MYO1H: variants seen among roughly 807,000 people sequenced by gnomAD.
MYO1H encodes the protein unconventional myosin-Ih.
Under a neutral mutation model 149.3 loss-of-function variants are expected in MYO1H, and 118 were observed. That is an observed-to-expected ratio of 0.79 (90% CI 0.68 to 0.92). The LOEUF is 0.92. MYO1H is among the 40% of genes least tolerant of loss of function. MYO1H has a pLI of 0.00. For synonymous variants in MYO1H, 447 were observed against 465.2 expected (o/e 0.96, Z 0.50); for missense variants, 1,212 against 1,280.7 (o/e 0.95, Z 0.82).
chr12:109,390,054 G>T (rs574920939), intron 2 of MYO1H, among the ~76,000 whole-genome samples: 1 of 152,280 alleles, frequency 6.6e-6, no homozygotes, highest in African/African-American at 2.4e-5. Flanking sequence ...TAAGCTAAAT[G>T]TTTCTGATTT....
chr12:109,362,989 A>G (rs1298035259), intron 1 of MYO1H, among the ~76,000 whole-genome samples: 1 of 152,198 alleles, frequency 6.6e-6, no homozygotes, highest in Non-Finnish European at 1.5e-5. Flanking sequence ...TCCCTCGTTC[A>G]TAGCACACAA....
At chr12:109,425,706 G>C (rs1592811499) in intron 17 of MYO1H, among the ~76,000 whole-genome samples, 1 of 152,322 alleles carries the variant, frequency 6.6e-6, no homozygotes, top group South Asian at 2.1e-4. Flanking sequence ...TGCTGAGCAA[G>C]TGAGGCATCC....
chr12:109,386,360 G>A (rs1869308707), intron 1 of MYO1H, among the ~76,000 whole-genome samples: 1 of 152,072 alleles, frequency 6.6e-6, no homozygotes, highest in Non-Finnish European at 1.5e-5. Context: ...CATTTCTCTT[G>A]TGTAAATACT....
chr12:109,380,477 T>A (rs934233160), intron 1 of MYO1H, among the ~76,000 whole-genome samples: 1 of 152,250 alleles, frequency 6.6e-6, no homozygotes, highest in African/African-American at 2.4e-5. Context: ...CAGTGAGGTT[T>A]ACCCTGAGGA....
exon 27 of MYO1H, chr12:109,442,263 G>T (rs1377714975): frequency 6.2e-7 from 1 of 1,613,802 alleles, no homozygotes; most frequent in Admixed American, 1.7e-5. Context: ...TTAGCCATGA[G>T]AAAATCCAGG....
intron 16 of MYO1H, among the ~76,000 whole-genome samples, chr12:109,423,181 CAG>C (rs1193698597): frequency 6.6e-6 from 1 of 152,054 alleles, no homozygotes; most frequent in African/African-American, 2.4e-5. Context: ...ATTTTTGAGA[CAG>C]AGTCTCACTC....
intron 4 of MYO1H, 86 bp downstream of exon 4, chr12:109,396,668 T>C (rs1287888669): frequency 1.7e-5 from 20 of 1,191,568 alleles, no homozygotes; most frequent in Non-Finnish European, 2.1e-5. Flanking sequence ...TCAGTCAAAA[T>C]GGGCAGGTCA....
chr12:109,437,109 A>C (rs1227001128), intron 22 of MYO1H, among the ~76,000 whole-genome samples: 1 of 152,122 alleles, frequency 6.6e-6, no homozygotes, highest in Non-Finnish European at 1.5e-5. Context: ...TGTCTCAAAA[A>C]AAATAAAAGA....
intron 6 of MYO1H, among the ~76,000 whole-genome samples, chr12:109,403,070 C>T (rs1385612221): frequency 6.6e-6 from 1 of 152,170 alleles, no homozygotes; most frequent in African/African-American, 2.4e-5. Context: ...GCAGTATATT[C>T]GCACTGCTTT....
intron 19 of MYO1H, among the ~76,000 whole-genome samples, chr12:109,432,310 T>G (rs544688645): frequency 8.4e-4 from 128 of 152,154 alleles, no homozygotes; most frequent in Non-Finnish European, 1.7e-3. Context: ...GGCCTTTTTT[T>G]AAGTAGAGAC....
chr12:109,393,393 G>T, exon 3 of MYO1H: 1 of 1,588,974 alleles, frequency 6.3e-7, no homozygotes, highest in Non-Finnish European at 8.6e-7. Context: ...TCTACACTGT[G>T]AGCCAGATGG....
chr12:109,434,590 G>A (rs1293971499), intron 20 of MYO1H, among the ~76,000 whole-genome samples: 1 of 152,204 alleles, frequency 6.6e-6, no homozygotes, highest in African/African-American at 2.4e-5. Context: ...GGTTACGTTG[G>A]TTTATTCATT....
chr12:109,333,211 A>G, the MYO1H span, among the ~76,000 whole-genome samples: 2 of 151,998 alleles, frequency 1.3e-5, no homozygotes, highest in African/African-American at 2.4e-5. Context: ...TCCCAGCTAC[A>G]TGGGAGGTTG....
At chr12:109,315,974 C>A in the MYO1H span, among the ~76,000 whole-genome samples, 10 of 152,078 alleles carry the variant, frequency 6.6e-5, no homozygotes, top group Non-Finnish European at 1.3e-4. Context: ...GTGTTTGGTG[C>A]TTTTGCTTTC....
At chr12:109,390,463 G>T (rs1053026532) in intron 2 of MYO1H, among the ~76,000 whole-genome samples, 1 of 151,748 alleles carries the variant, frequency 6.6e-6, no homozygotes, top group East Asian at 1.9e-4. Context: ...CTATATAAGA[G>T]CTTGGAGCTC....
the MYO1H span, among the ~76,000 whole-genome samples, chr12:109,311,894 C>A: frequency 1.3e-5 from 2 of 152,214 alleles, no homozygotes; most frequent in Admixed American, 6.5e-5. Flanking sequence ...GTGGCTTTGG[C>A]TTTCCTTTCC....
intron 15 of MYO1H, among the ~76,000 whole-genome samples, chr12:109,420,763 T>C (rs1348438578): frequency 6.6e-6 from 1 of 152,084 alleles, no homozygotes; most frequent in African/African-American, 2.4e-5. Context: ...CTAGTGTGAA[T>C]AGAGGCCAGA....
chr12:109,443,940 C>G (rs1464328975), intron 28 of MYO1H, among the ~76,000 whole-genome samples: 2 of 151,996 alleles, frequency 1.3e-5, no homozygotes, highest in African/African-American at 4.8e-5. Flanking sequence ...TGCCCTCCTC[C>G]CCTAGCGTTG....
At chr12:109,405,606 G>A (rs1279725000) in intron 7 of MYO1H, among the ~76,000 whole-genome samples, 7 of 152,250 alleles carry the variant, frequency 4.6e-5, no homozygotes, top group Middle Eastern at 3.4e-3. Context: ...CACCGCGCCC[G>A]GCCATAAAAT....
Sources: allele counts gnomAD v4.1 joint callset (sites outside exome capture counted in the v4.1 genomes callset), GRCh38; gene constraint gnomAD v4.1.1; transcripts MANE v1.5; gene names NCBI Gene and HGNC (gene_info 2026-07-23, HGNC 2026-07-21).